The following THSD4 variants were observed in gnomAD, a reference collection of about 807,000 sequenced individuals.
The protein encoded by THSD4 is thrombospondin type 1 domain containing 4.
A neutral mutation model predicts 119.0 loss-of-function variants in THSD4; 69 were observed. The observed-to-expected ratio is 0.58, with a 90% CI of 0.48 to 0.71. The LOEUF (loss-of-function observed/expected upper bound fraction) is 0.71. THSD4 is among the 30% of genes least tolerant of loss of function. The pLI is 0.00. For synonymous variants in THSD4, 524 were observed against 540.4 expected (o/e 0.97, Z 0.42); for missense variants, 1,393 against 1,391.1 (o/e 1.00, Z -0.02).
At chr15:71,569,718 G>C (rs1009293962) in intron 7 of THSD4, among the ~76,000 whole-genome samples, 1 of 152,220 alleles carries the variant, frequency 6.6e-6, no homozygotes, top group African/African-American at 2.4e-5. Flanking sequence ...GAAAGGCTGG[G>C]TGCGGTAGCT....
chr15:71,226,652 T>C (rs2044020530), intron 4 of THSD4, among the ~76,000 whole-genome samples: 1 of 152,204 alleles, frequency 6.6e-6, no homozygotes, highest in African/African-American at 2.4e-5. Context: ...GGCCTCTTCG[T>C]GATGCTGGAT....
At position 71,120,531 on chromosome 15, in the gene THSD4, G is replaced by A. The variant is rs552653302; in HGVS notation, c.-80+4833G>A. 6.9e-4 allele frequency among the ~76,000 whole-genome samples: 105 copies of A among 152,370 alleles called. 1 individual carries two copies. Among genetic ancestry groups the A allele is most frequent in the African/African-American group, 2.4e-3 (100 of 41,592 alleles). On this transcript the variant is annotated intron_variant, in intron 1 of 17. Transcript: ENST00000261862. ...TGCCGCTGTGTCTTGTCCCAGGAGG[G>A]TGGCACTGGGCACCCCACAACCGGG...
At chr15:71,595,996 A>G (rs781775914) in intron 7 of THSD4, among the ~76,000 whole-genome samples, 1 of 152,256 alleles carries the variant, frequency 6.6e-6, no homozygotes, top group Non-Finnish European at 1.5e-5. Context: ...AAGTCAGGAC[A>G]TGCATCATCC....
chr15:71,528,556 G>A (rs139598878), intron 7 of THSD4, among the ~76,000 whole-genome samples: 47 of 152,244 alleles, frequency 3.1e-4, no homozygotes, highest in African/African-American at 1.0e-3. Context: ...TTTCTCCCCC[G>A]TGGTTATTAA....
intron 11 of THSD4, among the ~76,000 whole-genome samples, chr15:71,739,425 A>G (rs746216232): frequency 3.9e-5 from 6 of 152,214 alleles, no homozygotes; most frequent in Non-Finnish European, 8.8e-5. Context: ...TGAAAGCAAG[A>G]CATGGCAGTG....
At chr15:71,749,762 C>T (rs1211153537) in intron 14 of THSD4, among the ~76,000 whole-genome samples, 5 of 137,574 alleles carry the variant, frequency 3.6e-5, no homozygotes, top group Admixed American at 7.9e-5. Flanking sequence ...TTCTATTGCC[C>T]GGGCTGGAGT....
intron 7 of THSD4, among the ~76,000 whole-genome samples, chr15:71,521,790 A>C (rs1209959733): frequency 1.3e-5 from 2 of 152,240 alleles, no homozygotes; most frequent in Non-Finnish European, 2.9e-5. Context: ...AGTTACGAGT[A>C]ATAGACATGT....
At chr15:71,184,619 A>G (rs1170579835) in intron 3 of THSD4, among the ~76,000 whole-genome samples, 1 of 151,810 alleles carries the variant, frequency 6.6e-6, no homozygotes, top group Non-Finnish European at 1.5e-5. Flanking sequence ...AGGTAGAAGC[A>G]TGGATTTAAA....
intron 7 of THSD4, among the ~76,000 whole-genome samples, chr15:71,450,597 T>C (rs1213833102): frequency 6.6e-6 from 1 of 152,196 alleles, no homozygotes; most frequent in Non-Finnish European, 1.5e-5. Context: ...CAAGTATAAA[T>C]TAGTGACAAA....
chr15:71,336,563 C>A (rs1329657174), intron 6 of THSD4, among the ~76,000 whole-genome samples: 1 of 152,164 alleles, frequency 6.6e-6, no homozygotes, highest in African/African-American at 2.4e-5. Flanking sequence ...GGAACCATAT[C>A]TGAGTTTGTT....
chr15:71,600,074 A>G (rs946054201), intron 7 of THSD4, among the ~76,000 whole-genome samples: 2 of 152,188 alleles, frequency 1.3e-5, no homozygotes, highest in African/African-American at 2.4e-5. Flanking sequence ...TGGGCAGCCA[A>G]AGTGTTTCTT....
chr15:71,119,006 T>C (rs896845748), intron 1 of THSD4, among the ~76,000 whole-genome samples: 2 of 152,230 alleles, frequency 1.3e-5, no homozygotes, highest in African/African-American at 4.8e-5. Context: ...ACAGCCTCGC[T>C]GGCTTGTTAG....
At chr15:71,414,611 G>A (rs1472730653) in intron 7 of THSD4, among the ~76,000 whole-genome samples, 1 of 152,206 alleles carries the variant, frequency 6.6e-6, no homozygotes, top group Non-Finnish European at 1.5e-5. Flanking sequence ...AATATGAAAT[G>A]TGGTCTCTTC....
chr15:71,630,235 A>C (rs1381598351), intron 7 of THSD4, among the ~76,000 whole-genome samples: 3 of 152,332 alleles, frequency 2.0e-5, no homozygotes, highest in Non-Finnish European at 4.4e-5. Context: ...CTTCTTAGGC[A>C]AATGGATGAC....
Position 71,670,475 on chromosome 15 carries a change from GT to G in THSD4, c.1357+9750del, listed in dbSNP as rs1034781284. 1.1e-3 allele frequency among the ~76,000 whole-genome samples: 159 copies of G among 145,270 alleles called. 1 individual carries two copies. In the South Asian group the frequency reaches 0.011, roughly 10 times the overall value. ...TGTGCCACATTTTCTTTTTTTGTTT[GT>G]TTTTTTTTAGATTTAAATTTTACAT... is the stretch of plus-strand genomic sequence containing the variant. On this transcript the variant is annotated intron_variant, in intron 8 of 17. Coordinates refer to ENST00000261862, the MANE Select transcript of THSD4 (RefSeq NM_024817.3).
In THSD4 at chr15:71,278,663, A is replaced by T. The variant is rs137910465; in HGVS notation, c.1015+21948A>T. Reference sequence around the variant, plus strand: ...GGAGGAGGACCTTGACTAGTCTCTGATGGGGCAAGGAGTTTGTTCGATTGT... The same window carrying T: ...GGAGGAGGACCTTGACTAGTCTCTGTTGGGGCAAGGAGTTTGTTCGATTGT... On this transcript the variant is annotated intron_variant, in intron 6 of 17. Transcript: ENST00000261862. Among the ~76,000 whole-genome samples, 382 of 152,240 alleles carry T rather than the reference A, an allele frequency of 2.5e-3. 2 individuals carry two copies. The highest frequency in any genetic ancestry group is 4.4e-3 in the Non-Finnish European group (300 of 68,016).
At chr15:71,483,305 G>A (rs148576296) in intron 7 of THSD4, among the ~76,000 whole-genome samples, 10 of 152,176 alleles carry the variant, frequency 6.6e-5, no homozygotes, top group East Asian at 1.9e-4. Context: ...ATCTTCATAC[G>A]TGTGAATATA....
intron 6 of THSD4, among the ~76,000 whole-genome samples, chr15:71,262,853 C>T (rs1357196146): frequency 1.3e-5 from 2 of 152,126 alleles, no homozygotes; most frequent in African/African-American, 4.8e-5. Context: ...TTTTGCTTAC[C>T]TGGGGACCCA....
At chr15:71,737,350 G>A (rs2053134045) in intron 10 of THSD4, among the ~76,000 whole-genome samples, 1 of 152,204 alleles carries the variant, frequency 6.6e-6, no homozygotes, top group African/African-American at 2.4e-5. Context: ...AAGGAGTTTA[G>A]GGATTTAAGG....
Sources: allele counts gnomAD v4.1 joint callset (sites outside exome capture counted in the v4.1 genomes callset), GRCh38; gene constraint gnomAD v4.1.1; transcripts MANE v1.5; gene names NCBI Gene and HGNC (gene_info 2026-07-23, HGNC 2026-07-21).